Variants in SSR3 observed in about 807,000 individuals in gnomAD.
The protein encoded by SSR3 is translocon-associated protein subunit gamma.
A neutral mutation model predicts 22.1 loss-of-function variants in SSR3; 10 were observed. That is an observed-to-expected ratio of 0.45 (90% CI 0.28 to 0.77). The LOEUF is 0.77. Ranked by LOEUF, SSR3 falls within the 30% of genes least tolerant of loss-of-function variation. SSR3 has a pLI of 0.13. For missense variants in SSR3, 181 were observed against 220.5 expected (o/e 0.82, Z 1.13); for synonymous variants, 104 against 82.5 (o/e 1.26, Z -1.42).
At chr3:156,548,749 T>A (rs1285899092) in intron 3 of SSR3, 156 bp downstream of exon 3, 1 of 886,040 alleles carries the variant, frequency 1.1e-6, no homozygotes, top group African/African-American at 1.7e-5. Context: ...ATAAAAACTC[T>A]AAAAGTCAGC....
chr3:156,546,429 C>T (rs1402835818), intron 3 of SSR3, among the ~76,000 whole-genome samples: 1 of 152,146 alleles, frequency 6.6e-6, no homozygotes, highest in Non-Finnish European at 1.5e-5. Flanking sequence ...TCGACTAATA[C>T]AAGAACCATT....
chr3:156,554,899 C>A, intron 1 of SSR3, 58 bp downstream of exon 1: 2 of 1,571,712 alleles, frequency 1.3e-6, no homozygotes, highest in Non-Finnish European at 1.7e-6. Flanking sequence ...CCTGCCACGT[C>A]CCCGCCCAGC....
rs138704836 is a variant in SSR3 at position 156,544,626 on chromosome 3, T to G, written c.360-187A>C. Among the ~76,000 whole-genome samples the G allele has an allele frequency of 2.6e-5, 4 of 152,324 alleles. No homozygotes were observed. The East Asian group carries it at 7.7e-4, about 29-fold the overall frequency. On this transcript the variant is annotated intron_variant, in intron 3 of 4. Transcript: ENST00000265044. ...TCCACTGAAAAAAAATATGTCACTC[T>G]ATGATAGTGAAGAAAACATCATGCT...
At chr3:156,545,053 T>C (rs992568563) in intron 3 of SSR3, among the ~76,000 whole-genome samples, 1 of 152,268 alleles carries the variant, frequency 6.6e-6, no homozygotes, top group Non-Finnish European at 1.5e-5. Flanking sequence ...CTTATTAATT[T>C]ACTGGTATTT....
chr3:156,554,561 A>C, intron 1 of SSR3, among the ~76,000 whole-genome samples: 2 of 151,510 alleles, frequency 1.3e-5, no homozygotes, highest in South Asian at 4.1e-4. Context: ...TTCTCACCTA[A>C]CTAATTTATG....
rs749265909 is a variant in SSR3 at position 156,543,239 on chromosome 3, T to C, written c.522A>G (p.Ser174=). 5.6e-6 allele frequency: 9 copies of C among 1,614,034 alleles called. No individual in the cohort carries two copies. Among genetic ancestry groups the C allele is most frequent in the Non-Finnish European group, 7.6e-6 (9 of 1,179,934 alleles). Residue 174 remains serine (S), a synonymous_variant, in exon 5 of 5, where the codon TCA becomes TCG. Transcript: ENST00000265044. ...CAGTAGACAGGAGGGCGATGAGTCC[T>C]GATGAAGCACTTATGGACAATATGT... ...VNYILSISAS[S]GLIALLSTGS...
intron 2 of SSR3, among the ~76,000 whole-genome samples, chr3:156,550,654 C>A (rs1719918209): frequency 6.6e-6 from 1 of 152,186 alleles, no homozygotes; most frequent in Admixed American, 6.5e-5. Flanking sequence ...TCTTTCACAT[C>A]AGTATGTCAG....
In SSR3 at chr3:156,548,785, A is replaced by T. The variant is rs1719846876; in HGVS notation, c.359+120T>A. On this transcript the variant is annotated intron_variant, in intron 3 of 4. Coordinates refer to ENST00000265044, the MANE Select transcript of SSR3 (RefSeq NM_007107.5). ...TATTACTATTTCCATTACTACTACT[A>T]CTACAATTCCAAAATTTACCTCAGA... The T allele has an allele frequency of 2.8e-5, 35 of 1,241,092 alleles. No individual in the cohort carries two copies. In the East Asian group the frequency reaches 8.8e-4, roughly 31 times the overall value. The allele number at this position is 1,241,092 out of a possible 1,614,324, so 76.9% of individuals were successfully genotyped here. A position where few individuals can be genotyped will look rare whatever the true frequency, so the allele number is the denominator to read the frequency against.
chr3:156,551,502 CTGGT>C (rs3836412), intron 2 of SSR3: 19,319 of 151,958 alleles, frequency 0.13, 1,263 homozygotes, highest in East Asian at 0.21. Flanking sequence ...GGAATAGCAG[CTGGT>C]TGAGGGGCTG....
chr3:156,554,825 C>A, intron 1 of SSR3, 132 bp downstream of exon 1: 1 of 1,233,740 alleles, frequency 8.1e-7, no homozygotes, highest in South Asian at 1.5e-5. Context: ...CCTCCCCGAG[C>A]TCAGGGGAGC....
intron 3 of SSR3, among the ~76,000 whole-genome samples, chr3:156,544,963 G>A (rs746686183): frequency 5.3e-5 from 8 of 152,284 alleles, no homozygotes; most frequent in Middle Eastern, 6.8e-3. Context: ...AAAAAAGAGC[G>A]CTTAATCATT....
rs1347298227 is a variant in SSR3 at position 156,540,359 on chromosome 3, A to ACTT, written c.*2841_*2843dup. The ACTT allele has an allele frequency of 6.6e-6, 1 of 151,440 alleles. No individual in the cohort carries two copies. Among genetic ancestry groups the ACTT allele is most frequent in the Non-Finnish European group, 1.5e-5 (1 of 68,052 alleles). The allele number at this position is 151,440 out of a possible 1,614,324, so 9.4% of individuals were successfully genotyped here. ...GGTGGCTCACGCCTGTAATTCCAGC[A>ACTT]CTTTGGGAGGCCGAGGCAGGTGGAT... On this transcript the variant is annotated 3_prime_UTR_variant, in exon 5 of 5. Transcript: ENST00000265044.
At position 156,543,124 on chromosome 3, in the gene SSR3, C is replaced by T; in HGVS notation, c.*79G>A. The T allele has an allele frequency of 1.6e-6, 2 of 1,285,908 alleles. No individual in the cohort carries two copies. The highest frequency in any genetic ancestry group is 2.2e-6 in the Non-Finnish European group (2 of 895,742). The allele number at this position is 1,285,908 out of a possible 1,614,324, so 79.7% of individuals were successfully genotyped here. On this transcript the variant is annotated 3_prime_UTR_variant, in exon 5 of 5. Transcript: ENST00000265044. ...GACTATAAAAACATCTTGTGTCTCC[C>T]ACCCTGACCACCCTGCTACTTTTCC...
In SSR3 at chr3:156,540,850, C is replaced by T. The variant is rs969751225; in HGVS notation, c.*2353G>A. The T allele has an allele frequency of 6.6e-6, 1 of 152,000 alleles. No homozygotes were observed. Among genetic ancestry groups the T allele is most frequent in the African/African-American group, 2.4e-5 (1 of 41,376 alleles). The allele number at this position is 152,000 out of a possible 1,614,324, so 9.4% of individuals were successfully genotyped here. A position where few individuals can be genotyped will look rare whatever the true frequency, so the allele number is the denominator to read the frequency against. On this transcript the variant is annotated 3_prime_UTR_variant, in exon 5 of 5. Coordinates refer to ENST00000265044, the MANE Select transcript of SSR3 (RefSeq NM_007107.5). Reference sequence around the variant, plus strand: ...TTTTACTAAGTCAGATTGAGTAGGTCGCATCTCTGTGTGCCACACAGAACT... The same window carrying T: ...TTTTACTAAGTCAGATTGAGTAGGTTGCATCTCTGTGTGCCACACAGAACT...
At chr3:156,551,929 G>A (rs1031390667) in intron 2 of SSR3, among the ~76,000 whole-genome samples, 3 of 152,168 alleles carry the variant, frequency 2.0e-5, no homozygotes, top group Non-Finnish European at 4.4e-5. Context: ...TCTGAAAGAT[G>A]AGGCCAGACT....
At position 156,544,043 on chromosome 3, in the gene SSR3, C is replaced by T. The variant is rs560844172; in HGVS notation, c.491+265G>A. 1.1e-3 allele frequency: 404 copies of T among 383,328 alleles called. 1 individual carries two copies. Among genetic ancestry groups the T allele is most frequent in the Non-Finnish European group, 1.5e-3 (335 of 217,820 alleles). The allele number at this position is 383,328 out of a possible 1,614,324, so 23.7% of individuals were successfully genotyped here. A position where few individuals can be genotyped will look rare whatever the true frequency, so the allele number is the denominator to read the frequency against. On this transcript the variant is annotated intron_variant, in intron 4 of 4. Coordinates refer to ENST00000265044, the MANE Select transcript of SSR3 (RefSeq NM_007107.5). ...ACAGGTTTGCTTTGGCTCTTTGGAGCTTTTTTTTAAGGAGGCAAGGACACA... is the reference window on the plus strand; with the variant it reads ...ACAGGTTTGCTTTGGCTCTTTGGAGTTTTTTTTTAAGGAGGCAAGGACACA...
At chr3:156,550,310 T>G (rs528520563) in intron 2 of SSR3, among the ~76,000 whole-genome samples, 2 of 152,194 alleles carry the variant, frequency 1.3e-5, no homozygotes, top group Non-Finnish European at 2.9e-5. Context: ...AACTACTGCA[T>G]TTTCAAAAGA....
chr3:156,548,232 A>G (rs1192229896), intron 3 of SSR3, among the ~76,000 whole-genome samples: 2 of 152,212 alleles, frequency 1.3e-5, no homozygotes, highest in Non-Finnish European at 2.9e-5. Flanking sequence ...AGATTGTCCA[A>G]TAAGCCTTCT....
At position 156,541,992 on chromosome 3, in the gene SSR3, G is replaced by T. The variant is rs907216116; in HGVS notation, c.*1211C>A. On this transcript the variant is annotated 3_prime_UTR_variant, in exon 5 of 5. Transcript: ENST00000265044. ...ATGTATGAAATTCACATTAAATTTA[G>T]AAGTGGATAGTAAAGATTAGGACTA... 1 of 152,166 alleles carries T rather than the reference G, an allele frequency of 6.6e-6. No homozygotes were observed. Among genetic ancestry groups the T allele is most frequent in the East Asian group, 1.9e-4 (1 of 5,202 alleles). 9.4% of individuals were successfully genotyped at this position (152,166 alleles called of 1,614,324 possible).
Sources: allele counts gnomAD v4.1 joint callset (sites outside exome capture counted in the v4.1 genomes callset), GRCh38; gene constraint gnomAD v4.1.1; transcripts MANE v1.5; gene names NCBI Gene and HGNC (gene_info 2026-07-23, HGNC 2026-07-21).